The following PPFIA2 variants were observed in gnomAD, a reference collection of about 807,000 sequenced individuals.
PPFIA2 encodes PPFI scaffold protein A2.
Under a neutral mutation model 175.5 loss-of-function variants are expected in PPFIA2, and 46 were observed. The observed-to-expected ratio is 0.26, with a 90% CI of 0.21 to 0.34. The LOEUF is 0.34. PPFIA2 is among the 10% of genes least tolerant of loss of function. The pLI is 1.00. For missense variants in PPFIA2, 1,179 were observed against 1,506.1 expected (o/e 0.78, Z 3.60); for synonymous variants, 568 against 511.4 (o/e 1.11, Z -1.49).
intron 4 of PPFIA2, among the ~76,000 whole-genome samples, chr12:81,637,761 G>A (rs920150563): frequency 2.6e-5 from 4 of 152,146 alleles, no homozygotes; most frequent in Admixed American, 2.0e-4. Context: ...GTAGGCTAAT[G>A]TGGAAAAGAG....
chr12:81,609,892 T>C (rs1390431194), intron 4 of PPFIA2, among the ~76,000 whole-genome samples: 1 of 152,156 alleles, frequency 6.6e-6, no homozygotes, highest in East Asian at 1.9e-4. Context: ...CTTAAATGTG[T>C]TTTTGTGGTA....
chr12:81,508,063 G>A (rs1187414034), intron 4 of PPFIA2, among the ~76,000 whole-genome samples: 2 of 152,048 alleles, frequency 1.3e-5, no homozygotes, highest in East Asian at 1.9e-4. Flanking sequence ...CTCAATTCTA[G>A]TAGTCACATT....
At chr12:81,561,435 C>A (rs1311090278) in intron 4 of PPFIA2, among the ~76,000 whole-genome samples, 1 of 151,936 alleles carries the variant, frequency 6.6e-6, no homozygotes, top group Non-Finnish European at 1.5e-5. Flanking sequence ...TCATGTGAAG[C>A]AAATAGAAAT....
At chr12:81,582,224 A>C (rs143163436) in intron 4 of PPFIA2, among the ~76,000 whole-genome samples, 2 of 151,854 alleles carry the variant, frequency 1.3e-5, no homozygotes, top group Non-Finnish European at 2.9e-5. Context: ...GTGAACAATA[A>C]TAATGTATTC....
chr12:81,317,312 A>G (rs1189057698), intron 22 of PPFIA2, among the ~76,000 whole-genome samples: 1 of 151,590 alleles, frequency 6.6e-6, no homozygotes, highest in Non-Finnish European at 1.5e-5. Context: ...TTTATGGACT[A>G]CATAAAGCCA....
intron 9 of PPFIA2, among the ~76,000 whole-genome samples, chr12:81,379,178 G>T (rs1016256835): frequency 1.3e-5 from 2 of 152,084 alleles, no homozygotes; most frequent in African/African-American, 4.8e-5. Context: ...ACAAGTCAGA[G>T]AAATAGCTTT....
intron 4 of PPFIA2, among the ~76,000 whole-genome samples, chr12:81,475,721 G>A (rs1466673874): frequency 6.6e-6 from 1 of 152,108 alleles, no homozygotes; most frequent in Non-Finnish European, 1.5e-5. Flanking sequence ...TTTTGTTATT[G>A]TTGTTGTTTT....
intron 2 of PPFIA2, 48 bp from the exon 3 acceptor site, chr12:81,754,271 A>T (rs1255828257): frequency 6.5e-7 from 1 of 1,536,918 alleles, no homozygotes; most frequent in Non-Finnish European, 8.8e-7. Context: ...AATGATTTCC[A>T]ATAATTTCAT....
intron 24 of PPFIA2, among the ~76,000 whole-genome samples, chr12:81,288,244 T>C (rs2043981698): frequency 6.6e-6 from 1 of 151,754 alleles, no homozygotes; most frequent in Admixed American, 6.6e-5. Flanking sequence ...ATACAACATG[T>C]TCTTATACAG....
intron 24 of PPFIA2, among the ~76,000 whole-genome samples, chr12:81,291,992 G>C (rs2045160034): frequency 6.6e-6 from 1 of 152,026 alleles, no homozygotes; most frequent in Non-Finnish European, 1.5e-5. Context: ...ACAATTGAAT[G>C]TTAATTAATA....
chr12:81,432,449 C>A (rs952656505), intron 7 of PPFIA2, among the ~76,000 whole-genome samples: 1 of 148,798 alleles, frequency 6.7e-6, no homozygotes, highest in Non-Finnish European at 1.5e-5. Context: ...TACTGGCCTT[C>A]GGAGCAGAAC....
chr12:81,345,428 ATTTAT>A (rs1839000072), intron 18 of PPFIA2, among the ~76,000 whole-genome samples: 1 of 151,632 alleles, frequency 6.6e-6, no homozygotes, highest in Admixed American at 6.6e-5. Context: ...TATTCCACTG[ATTTAT>A]TTATTACTAA....
At chr12:81,371,805 TA>T (rs2035180308) in intron 11 of PPFIA2, among the ~76,000 whole-genome samples, 1 of 151,792 alleles carries the variant, frequency 6.6e-6, no homozygotes, top group African/African-American at 2.4e-5. Flanking sequence ...TAATTGCGTA[TA>T]AACTCGCCAA....
chr12:81,701,332 T>C (rs1161620149), intron 3 of PPFIA2, among the ~76,000 whole-genome samples: 1 of 152,162 alleles, frequency 6.6e-6, no homozygotes, highest in Non-Finnish European at 1.5e-5. Flanking sequence ...GCCTCCATAT[T>C]AGGGCTGGGG....
chr12:81,277,448 G>A, intron 27 of PPFIA2, 34 bp from the exon 28 acceptor site: 14 of 1,461,742 alleles, frequency 9.6e-6, no homozygotes, highest in East Asian at 2.6e-5. Context: ...AAAACACAGT[G>A]AGTCTACCTT....
chr12:81,322,872 T>C (rs1303722713), intron 22 of PPFIA2, among the ~76,000 whole-genome samples: 2 of 152,034 alleles, frequency 1.3e-5, no homozygotes, highest in Non-Finnish European at 2.9e-5. Flanking sequence ...AATAAGACAA[T>C]AGAGAGAAAT....
At chr12:81,415,191 AAAAAAAAAAAAAAAAAAAAAT>A (rs2044739145) in intron 7 of PPFIA2, among the ~76,000 whole-genome samples, 1 of 43,180 alleles carries the variant, frequency 2.3e-5, no homozygotes, top group South Asian at 9.1e-4. Context: ...AAAAAAAAAA[AAAAAAAAAAAAAAAAAAAAAT>A]ATATATATAT....
chr12:81,598,291 CA>C, intron 4 of PPFIA2: 1 of 1,219,134 alleles, frequency 8.2e-7, no homozygotes, highest in Non-Finnish European at 1.0e-6. Context: ...ATTAAAAACA[CA>C]GAAGGAAAAA....
intron 6 of PPFIA2, among the ~76,000 whole-genome samples, chr12:81,442,848 C>CATATATATATATATATATAT (rs35192542): frequency 7.1e-5 from 1 of 14,096 alleles, no homozygotes; most frequent in Admixed American, 1.2e-3. Context: ...TTTCTGACTT[C>CATATATATATATATATATAT]ATATATATAT....
Sources: gnomAD v4.1 joint callset for allele counts (sites outside exome capture counted in the v4.1 genomes callset) on GRCh38, gnomAD v4.1.1 for gene constraint, MANE v1.5 for transcripts, NCBI Gene and HGNC (gene_info 2026-07-23, HGNC 2026-07-21) for gene names.